Variants in SCN1B observed in about 807,000 individuals in gnomAD.
SCN1B encodes sodium channel regulatory subunit beta-1.
A neutral mutation model predicts 25.7 loss-of-function variants in SCN1B; 11 were observed. The observed-to-expected ratio is 0.43, with a 90% CI of 0.27 to 0.71. The LOEUF (loss-of-function observed/expected upper bound fraction) is 0.71. Ranked by LOEUF, SCN1B falls within the 30% of genes least tolerant of loss-of-function variation. SCN1B has a pLI of 0.21. For missense variants in SCN1B, 224 were observed against 291.5 expected, an observed-to-expected ratio of 0.77 and a Z score of 1.69; for synonymous variants, 119 against 117.5, an observed-to-expected ratio of 1.01 and a Z score of -0.08.
rs2151745961 is a variant in SCN1B at position 35,032,527 on chromosome 19, G to T, written c.41-1G>T. ...CTGACCTGAGCCTGCTGTCCCCACA[G>T]TGTCCTCAGCCTGCGGGGGCTGCGT... On this transcript the variant is annotated splice_acceptor_variant, in intron 1 of 5. Coordinates refer to ENST00000262631, the MANE Select transcript of SCN1B (RefSeq NM_001037.5). LOFTEE classifies it high-confidence loss of function. This position sits in a 1 kb window ranked among gnomAD's most constrained non-coding sequence, Gnocchi z 4.3. 6.2e-7 allele frequency: 1 copy of T among 1,613,694 alleles called. No individual in the cohort carries two copies.
rs886054339 is a variant in SCN1B at position 35,030,689 on chromosome 19, C to G, written c.-132C>G. On this transcript the variant is annotated 5_prime_UTR_variant, in exon 1 of 6. Transcript: ENST00000262631. ...CGCGCCCCCCCTCCTCCCCCCTCGC[C>G]GGTCCCAGAGCCGCAGCTGCTGCGC... The G allele has an allele frequency of 2.3e-5, 5 of 217,242 alleles. No individual in the cohort carries two copies. The highest frequency in any genetic ancestry group is 1.1e-4 in the South Asian group (1 of 9,522). 13.5% of individuals were successfully genotyped at this position (217,242 alleles called of 1,614,324 possible).
At chr19:35,031,628 G>A (rs893109270) in intron 1 of SCN1B, 1 of 152,392 alleles carries the variant, frequency 6.6e-6, no homozygotes, top group African/African-American at 2.4e-5. Flanking sequence ...AGGAGGGACT[G>A]AGACAGAGGC....
Position 35,040,042 on chromosome 19 carries a change from C to G in SCN1B, c.*251C>G, listed in dbSNP as rs559042386. On this transcript the variant is annotated 3_prime_UTR_variant, in exon 6 of 6. Coordinates refer to ENST00000262631, the MANE Select transcript of SCN1B (RefSeq NM_001037.5). The stretch of plus-strand genomic sequence containing the variant: ...AAAGCAATACTGCCGCTGCCCCCAC[C>G]CTGCTTCTGCTGCCTGTTTGGGGAG... The G allele has an allele frequency of 1.9e-5, 7 of 360,790 alleles. No individual in the cohort carries two copies. The South Asian group carries it at 2.0e-4, about 10-fold the overall frequency. The allele number at this position is 360,790 out of a possible 1,614,324, so 22.3% of individuals were successfully genotyped here.
At chr19:35,039,422 TC>T in intron 4 of SCN1B, 164 bp downstream of exon 4, 1 of 1,078,494 alleles carries the variant, frequency 9.3e-7, no homozygotes, top group South Asian at 1.3e-5. Context: ...AGGATAGGGG[TC>T]GTCAGACCCA....
At position 35,039,635 on chromosome 19, in the gene SCN1B, C is replaced by T; in HGVS notation, c.591C>T (p.Ala197=). 6.2e-7 allele frequency: 1 copy of T among 1,614,180 alleles called. No individual in the cohort carries two copies. The highest frequency in any genetic ancestry group is 8.5e-7 in the Non-Finnish European group (1 of 1,180,014). ...TGTATACCTGGCCTTTCCCCCACAG[C>T]TCGGAATACCTGGCCATCACCTCTG... ...AATETAAQEN[A]SEYLAITSES... The change falls in exon 5 of 6, where the codon GCC becomes GCT. Residue 197 remains alanine (A), a splice_region_variant and synonymous_variant. Coordinates refer to ENST00000262631, the MANE Select transcript of SCN1B (RefSeq NM_001037.5).
chr19:35,032,095 T>G lies in SCN1B; in HGVS notation c.41-433T>G, dbSNP rs1302289012. Among the ~76,000 whole-genome samples the G allele has an allele frequency of 6.6e-6, 1 of 152,146 alleles. No homozygotes were observed. The highest frequency in any genetic ancestry group is 1.5e-5 in the Non-Finnish European group (1 of 68,020). ...TCCTGGAGCTAGCTGGTTTTACAAT[T>G]TAATGGTGAAAATGACTGCCACCTT... On this transcript the variant is annotated intron_variant, in intron 1 of 5. Coordinates refer to ENST00000262631, the MANE Select transcript of SCN1B (RefSeq NM_001037.5). The surrounding 1 kb of genome is among the most constrained non-coding windows in gnomAD (Gnocchi z 4.3).
At position 35,039,798 on chromosome 19, in the gene SCN1B, C is replaced by A; in HGVS notation, c.*7C>A. On this transcript the variant is annotated splice_region_variant and 3_prime_UTR_variant, in exon 6 of 6. Coordinates refer to ENST00000262631, the MANE Select transcript of SCN1B (RefSeq NM_001037.5). Reference sequence around the variant, plus strand: ...TCCCCCTCTCTTGCTCCCCTTCAGGCCCTGGGCCCCGCCTCAAGGAAGAGC... The same window carrying A: ...TCCCCCTCTCTTGCTCCCCTTCAGGACCTGGGCCCCGCCTCAAGGAAGAGC... 7.7e-7 allele frequency: 1 copy of A among 1,294,442 alleles called. No individual in the cohort carries two copies. Among genetic ancestry groups the A allele is most frequent in the Non-Finnish European group, 1.1e-6 (1 of 914,500 alleles). 80.2% of individuals were successfully genotyped at this position (1,294,442 alleles called of 1,614,324 possible).
rs1415154812 is a variant in SCN1B at position 35,040,052 on chromosome 19, C to T, written c.*261C>T. 2 of 313,514 alleles carry T rather than the reference C, an allele frequency of 6.4e-6. No homozygotes were observed. Among genetic ancestry groups the T allele is most frequent in the Admixed American group, 4.2e-5 (1 of 23,876 alleles). The allele number at this position is 313,514 out of a possible 1,614,324, so 19.4% of individuals were successfully genotyped here. On this transcript the variant is annotated 3_prime_UTR_variant, in exon 6 of 6. Coordinates refer to ENST00000262631, the MANE Select transcript of SCN1B (RefSeq NM_001037.5). Reference sequence around the variant, plus strand: ...TGCCGCTGCCCCCACCCTGCTTCTGCTGCCTGTTTGGGGAGGGGGGCGGTG... The same window carrying T: ...TGCCGCTGCCCCCACCCTGCTTCTGTTGCCTGTTTGGGGAGGGGGGCGGTG...
intron 3 of SCN1B, chr19:35,034,507 A>C (rs2064236559): frequency 4.4e-6 from 1 of 228,868 alleles, no homozygotes; most frequent in Non-Finnish European, 8.7e-6. Flanking sequence ...CCCTTCTCTG[A>C]TCCATCTTCT....
chr19:35,033,174 C>T (rs1272862944), intron 2 of SCN1B, among the ~76,000 whole-genome samples: 1 of 152,100 alleles, frequency 6.6e-6, no homozygotes, highest in Non-Finnish European at 1.5e-5. Context: ...TCAGGCTGCC[C>T]TGTCTCTGCT....
At chr19:35,037,531 CATGGGCAGCCAGG>C (rs1367847731) in intron 3 of SCN1B, 1 of 152,146 alleles carries the variant, frequency 6.6e-6, no homozygotes, top group Non-Finnish European at 1.5e-5. Flanking sequence ...GACCAGCCAC[CATGGGCAGCCAGG>C]ATGTGCTCAT....
At chr19:35,034,201 T>C in intron 3 of SCN1B, 1 of 1,530,028 alleles carries the variant, frequency 6.5e-7, no homozygotes, top group Non-Finnish European at 8.8e-7. Context: ...CGGTTCTTAC[T>C]GTTCGAGTAG....
chr19:35,037,315 G>A (rs2064253942), intron 3 of SCN1B: 1 of 152,216 alleles, frequency 6.6e-6, no homozygotes, highest in Non-Finnish European at 1.5e-5. Context: ...CACACAACGG[G>A]AGTGGAAAAT....
rs1198837475 is a variant in SCN1B, at chr19:35,032,283, A to G, written c.41-245A>G. Among the ~76,000 whole-genome samples the G allele has an allele frequency of 6.6e-6, 1 of 152,196 alleles. No homozygotes were observed. The highest frequency in any genetic ancestry group is 1.5e-5 in the Non-Finnish European group (1 of 68,034). ...GCCTCCCATGTACAAGGCCCTACCTAATGTATGAAAATGGGCCCAGCCATT... is the reference window on the plus strand; with the variant it reads ...GCCTCCCATGTACAAGGCCCTACCTGATGTATGAAAATGGGCCCAGCCATT... On this transcript the variant is annotated intron_variant, in intron 1 of 5. Transcript: ENST00000262631. The surrounding 1 kb of genome is among the most constrained non-coding windows in gnomAD (Gnocchi z 4.3).
rs759487082 is a variant in SCN1B at position 35,039,137 on chromosome 19, A to G, written c.469A>G (p.Ile157Val). Residue 157 changes from isoleucine to valine, a missense_variant, in exon 4 of 6, where the codon ATC becomes GTC. Around this residue, in one of 3 missense-constraint regions of SCN1B, gnomAD observed 126 missense variants for 204.9 expected, o/e 0.61. Coordinates refer to ENST00000262631, the MANE Select transcript of SCN1B (RefSeq NM_001037.5). ...VDKANRDMAS[I>V]VSEIMMYVLI... is the part of the protein sequence containing the mutation. Reference sequence around the variant, plus strand: ...TGCAGCCAACAGAGACATGGCATCCATCGTGTCTGAGATCATGATGTATGT... The same window carrying G: ...TGCAGCCAACAGAGACATGGCATCCGTCGTGTCTGAGATCATGATGTATGT... The G allele has an allele frequency of 8.7e-6, 14 of 1,614,208 alleles. No homozygotes were observed. Among genetic ancestry groups the G allele is most frequent in the Non-Finnish European group, 1.2e-5 (14 of 1,180,038 alleles).
intron 3 of SCN1B, chr19:35,037,752 C>G (rs2064257462): frequency 6.7e-6 from 1 of 148,590 alleles, no homozygotes; most frequent in Non-Finnish European, 1.5e-5. Flanking sequence ...TCAAGACCAG[C>G]CTGGGCAACA....
intron 3 of SCN1B, chr19:35,034,411 T>A (rs949867079): frequency 4.8e-6 from 2 of 416,690 alleles, no homozygotes; most frequent in Non-Finnish European, 8.9e-6. Context: ...GGGCCCACCC[T>A]CTGAGCAGCA....
At chr19:35,034,433 C>T (rs1255097781) in intron 3 of SCN1B, 11 of 333,358 alleles carry the variant, frequency 3.3e-5, no homozygotes, top group East Asian at 2.0e-4. Flanking sequence ...GGGCCTACAG[C>T]GCTTTTGAAC....
In SCN1B at chr19:35,039,790, C is replaced by A; in HGVS notation, c.*6-7C>A. 1 of 1,356,164 alleles carries A rather than the reference C, an allele frequency of 7.4e-7. No homozygotes were observed. The highest frequency in any genetic ancestry group is 1.4e-5 in the African/African-American group (1 of 69,372). The allele number at this position is 1,356,164 out of a possible 1,614,324, so 84.0% of individuals were successfully genotyped here. A position where few individuals can be genotyped will look rare whatever the true frequency, so the allele number is the denominator to read the frequency against. Reference sequence around the variant, plus strand: ...TCCCTAATTCCCCCTCTCTTGCTCCCCTTCAGGCCCTGGGCCCCGCCTCAA... The same window carrying A: ...TCCCTAATTCCCCCTCTCTTGCTCCACTTCAGGCCCTGGGCCCCGCCTCAA... On this transcript the variant is annotated splice_polypyrimidine_tract_variant and splice_region_variant and intron_variant, in intron 5 of 5. Transcript: ENST00000262631.
Sources: gnomAD v4.1 joint callset for allele counts (sites outside exome capture counted in the v4.1 genomes callset) on GRCh38, gnomAD v4.1.1 for gene constraint, gnomAD v4.1.1 regional missense constraint, Gnocchi (gnomAD v3.1) non-coding constraint, MANE v1.5 for transcripts, NCBI Gene and HGNC (gene_info 2026-07-23, HGNC 2026-07-21) for gene names.